The following CLVS1 variants were observed in gnomAD, a reference collection of about 807,000 sequenced individuals.
The protein encoded by CLVS1 is clavesin 1.
In CLVS1, 10 loss-of-function variants were observed where a neutral mutation model predicts 33.1. The observed-to-expected ratio is 0.30, with a 90% CI of 0.19 to 0.51. The LOEUF (loss-of-function observed/expected upper bound fraction) is 0.51, where lower values mean the gene tolerates loss of function less well. CLVS1 is among the 20% of genes least tolerant of loss of function. The pLI is 0.97. For synonymous variants in CLVS1, 163 were observed against 166.1 expected (o/e 0.98, Z 0.14); for missense variants, 343 against 433.4 (o/e 0.79, Z 1.85).
chr8:61,417,137 C>T (rs903422613), intron 3 of CLVS1, among the ~76,000 whole-genome samples: 2 of 152,044 alleles, frequency 1.3e-5, no homozygotes, highest in East Asian at 3.9e-4. Context: ...CAAGGGGAGA[C>T]CATGGGCTGG....
At chr8:61,491,227 G>C (rs1804070862) in intron 5 of CLVS1, among the ~76,000 whole-genome samples, 1 of 152,212 alleles carries the variant, frequency 6.6e-6, no homozygotes, top group Non-Finnish European at 1.5e-5. Flanking sequence ...GTCCAGTCTA[G>C]TAGTATGCAC....
intron 1 of CLVS1, among the ~76,000 whole-genome samples, chr8:61,075,589 T>C (rs1214953877): frequency 6.6e-6 from 1 of 152,242 alleles, no homozygotes; most frequent in Non-Finnish European, 1.5e-5. Context: ...CAAGTAAAAG[T>C]ATTTCCTGAA....
chr8:61,346,475 A>G (rs984088863), intron 2 of CLVS1, among the ~76,000 whole-genome samples: 2 of 152,140 alleles, frequency 1.3e-5, no homozygotes, highest in African/African-American at 4.8e-5. Context: ...CCTTATAGAT[A>G]TGTTGCGCTC....
chr8:61,085,352 G>T (rs1410234214), intron 1 of CLVS1, among the ~76,000 whole-genome samples: 3 of 152,118 alleles, frequency 2.0e-5, no homozygotes, highest in Admixed American at 6.5e-5. Context: ...TGGCATTATT[G>T]GTTAATACTT....
chr8:61,183,805 G>C (rs1585670262), intron 2 of CLVS1, among the ~76,000 whole-genome samples: 1 of 152,176 alleles, frequency 6.6e-6, no homozygotes, highest in Non-Finnish European at 1.5e-5. Context: ...TGAGTAAGTA[G>C]AAGCCACTCA....
intron 1 of CLVS1, among the ~76,000 whole-genome samples, chr8:61,297,610 T>C (rs1290832476): frequency 6.6e-6 from 1 of 152,026 alleles, no homozygotes; most frequent in Non-Finnish European, 1.5e-5. Flanking sequence ...TGTCTGTGAG[T>C]CAAGTAAGTG....
In CLVS1 at chr8:61,442,590, A is replaced by G. The variant is rs184588646; in HGVS notation, c.631-11551A>G. The stretch of plus-strand genomic sequence containing the variant: ...AGCAATCCAGCTTGTCCACATCCTC[A>G]CCAGCATTTGGAGGTGTCACTTTTT... On this transcript the variant is annotated intron_variant, in intron 3 of 5. Coordinates refer to ENST00000325897, the MANE Select transcript of CLVS1 (RefSeq NM_173519.3). 5.3e-5 allele frequency among the ~76,000 whole-genome samples: 8 copies of G among 152,168 alleles called. No individual in the cohort carries two copies. In the East Asian group the frequency reaches 1.4e-3, roughly 26 times the overall value.
At chr8:61,074,478 T>A (rs1804871594) in intron 1 of CLVS1, among the ~76,000 whole-genome samples, 1 of 147,058 alleles carries the variant, frequency 6.8e-6, no homozygotes, top group South Asian at 2.1e-4. Context: ...TATATATATA[T>A]AAGTATATGT....
At chr8:61,340,403 C>T (rs1811990296) in intron 2 of CLVS1, among the ~76,000 whole-genome samples, 1 of 152,198 alleles carries the variant, frequency 6.6e-6, no homozygotes, top group Admixed American at 6.5e-5. Context: ...TGAGTTCCAC[C>T]TCTTTAGGTT....
chr8:61,153,105 G>C (rs973908938), intron 2 of CLVS1, among the ~76,000 whole-genome samples: 5 of 152,074 alleles, frequency 3.3e-5, no homozygotes, highest in Admixed American at 1.3e-4. Context: ...AACAGAGCGA[G>C]ACCCTGTCTC....
chr8:60,996,217 T>C, the CLVS1 span, among the ~76,000 whole-genome samples: 170 of 152,362 alleles, frequency 1.1e-3, 7 homozygotes, highest in East Asian at 0.03. Context: ...ATCTATTTGG[T>C]AAATCTCCTT....
chr8:61,386,572 T>C (rs1318013272), intron 3 of CLVS1, among the ~76,000 whole-genome samples: 1 of 152,208 alleles, frequency 6.6e-6, no homozygotes, highest in East Asian at 1.9e-4. Flanking sequence ...CTGCCACATA[T>C]TGGCCCTCTC....
rs1187230837 is a variant in CLVS1, at chr8:61,336,019, T to C, written c.455+35737T>C. Among the ~76,000 whole-genome samples, 5 of 151,940 alleles carry C rather than the reference T, an allele frequency of 3.3e-5. No homozygotes were observed. The East Asian group carries it at 9.7e-4, about 29-fold the overall frequency. ...GAATAGAGGAATGGCTGCCTGAGGG[T>C]AAAGGCACAGACTCTCAGCGAATAG... On this transcript the variant is annotated intron_variant, in intron 2 of 5. Transcript: ENST00000325897.
At chr8:61,165,153 G>A (rs1389702824) in intron 2 of CLVS1, among the ~76,000 whole-genome samples, 2 of 152,234 alleles carry the variant, frequency 1.3e-5, no homozygotes, top group Non-Finnish European at 2.9e-5. Context: ...AGCCCCATCG[G>A]GAGTGGCAAC....
intron 2 of CLVS1, among the ~76,000 whole-genome samples, chr8:61,178,188 C>T (rs1308170933): frequency 6.6e-6 from 1 of 152,108 alleles, no homozygotes; most frequent in Non-Finnish European, 1.5e-5. Context: ...AGCACAAGAA[C>T]ATCTTGAAGC....
At chr8:61,302,713 C>T (rs1045003458) in intron 2 of CLVS1, among the ~76,000 whole-genome samples, 4 of 152,176 alleles carry the variant, frequency 2.6e-5, no homozygotes, top group African/African-American at 9.7e-5. Flanking sequence ...TCCATTCTTG[C>T]ATTGCTATAA....
chr8:61,001,148 AT>A, the CLVS1 span, among the ~76,000 whole-genome samples: 31 of 152,006 alleles, frequency 2.0e-4, no homozygotes, highest in Middle Eastern at 0.01. Context: ...ATTTCATTGT[AT>A]TTTTTGGTCT....
chr8:61,288,161 C>T (rs1563478285), intron 1 of CLVS1, 23 bp downstream of exon 1: 2 of 456,218 alleles, frequency 4.4e-6, no homozygotes, highest in Admixed American at 4.7e-5. Context: ...TTTTTTCTCC[C>T]CTCTGTATTT....
chr8:61,424,649 T>C lies in CLVS1; in HGVS notation c.631-29492T>C, dbSNP rs868598350. 3.3e-5 allele frequency among the ~76,000 whole-genome samples: 5 copies of C among 152,328 alleles called. No individual in the cohort carries two copies. In the Middle Eastern group the frequency reaches 0.01, roughly 311 times the overall value. On this transcript the variant is annotated intron_variant, in intron 3 of 5. Transcript: ENST00000325897. ...TTTCTGATGTCTTTCCCCCACCAAATTGTATCCTGTTCAAGGGAGACTACA... is the reference window on the plus strand; with the variant it reads ...TTTCTGATGTCTTTCCCCCACCAAACTGTATCCTGTTCAAGGGAGACTACA...
Sources: gnomAD v4.1 joint callset for allele counts (sites outside exome capture counted in the v4.1 genomes callset) on GRCh38, gnomAD v4.1.1 for gene constraint, MANE v1.5 for transcripts, NCBI Gene and HGNC (gene_info 2026-07-23, HGNC 2026-07-21) for gene names.